TMEM223: variants seen among roughly 807,000 people sequenced by gnomAD.
TMEM223 encodes transmembrane protein 223.
TMEM223 carries 14 observed loss-of-function variants against 14.1 expected under a neutral mutation model. That is an observed-to-expected ratio of 0.99 (90% CI 0.66 to 1.55). The LOEUF is 1.55. TMEM223 is among the 40% of genes most tolerant of loss of function. The pLI is 0.00. For missense variants in TMEM223, 346 were observed against 269.9 expected (o/e 1.28, Z -1.97); for synonymous variants, 145 against 120.5 (o/e 1.20, Z -1.33).
At chr11:62,787,584 G>C (rs568969806), downstream of TMEM223, 8 of 1,462,478 alleles carry the variant, frequency 5.5e-6, no homozygotes, top group African/African-American at 5.7e-5. Flanking sequence ...TGGACATGGC[G>C]AGGCCACTTT....
rs137976004 is a variant in TMEM223 at position 62,778,912 on chromosome 11, C to T, written c.315-4247G>A. 22 of 1,614,018 alleles carry T rather than the reference C, an allele frequency of 1.4e-5. 2 individuals are homozygous for T. The African/African-American group carries it at 2.5e-4, about 19-fold the overall frequency. On this transcript the variant is annotated intron_variant, in intron 1 of 2. Coordinates refer to the TMEM223 transcript ENST00000528367. Reference sequence around the variant, plus strand: ...CACTGACAGATGACCTTCTCAAGTACTATCACCAGGTGACTCGTGCTGTGC... The same window carrying T: ...CACTGACAGATGACCTTCTCAAGTATTATCACCAGGTGACTCGTGCTGTGC...
intron 1 of TMEM223, chr11:62,779,033 T>C: frequency 7.0e-7 from 1 of 1,421,052 alleles, no homozygotes; most frequent in Non-Finnish European, 9.9e-7. Context: ...TTTTTTTTTT[T>C]TTTTGAGACA....
At chr11:62,776,346 A>C in intron 1 of TMEM223, 1 of 1,608,060 alleles carries the variant, frequency 6.2e-7, no homozygotes, top group Non-Finnish European at 8.5e-7. Flanking sequence ...CCCCTGCTTC[A>C]CATCCTTTGA....
chr11:62,787,619 G>C (rs1455163217), downstream of TMEM223: 3 of 1,407,852 alleles, frequency 2.1e-6, no homozygotes. Context: ...GCTTGCTGCT[G>C]CTCGGAGCCG....
intron 2 of TMEM223, among the ~76,000 whole-genome samples, chr11:62,773,035 G>T (rs553692830): frequency 2.0e-5 from 3 of 151,690 alleles, no homozygotes; most frequent in South Asian, 4.2e-4. Context: ...TAGAGACAGG[G>T]TTTCACCGTG....
chr11:62,788,882 G>A (rs926063179), downstream of TMEM223: 4 of 939,400 alleles, frequency 4.3e-6, no homozygotes, highest in East Asian at 7.5e-5. Context: ...CAATATCCCT[G>A]TCCCAGAAAT....
intron 1 of TMEM223, 45 bp downstream of exon 1, chr11:62,791,634 C>A: frequency 6.7e-7 from 1 of 1,481,902 alleles, no homozygotes. Context: ...AGGTCGTGTC[C>A]CGCCACCCCA....
intron 1 of TMEM223, among the ~76,000 whole-genome samples, chr11:62,781,172 G>A (rs1401245908): frequency 6.6e-6 from 1 of 150,612 alleles, no homozygotes; most frequent in Non-Finnish European, 1.5e-5. Context: ...GGAGGCAGAG[G>A]TTGCAGTGAG....
Position 62,776,403 on chromosome 11 carries a change from A to G in TMEM223, c.315-1738T>C. On this transcript the variant is annotated intron_variant, in intron 1 of 2. Transcript: ENST00000528367. The stretch of plus-strand genomic sequence containing the variant: ...TCCCAGAATAGCTCTCAGTTCATGA[A>G]GCACACCAAACGCCGGAAGCTGACG... 4 of 1,613,622 alleles carry G rather than the reference A, an allele frequency of 2.5e-6. No homozygotes were observed. Among genetic ancestry groups the G allele is most frequent in the Non-Finnish European group, 3.4e-6 (4 of 1,179,664 alleles).
intron 1 of TMEM223, chr11:62,774,805 T>C (rs1385548741): frequency 5.7e-5 from 18 of 314,432 alleles, no homozygotes; most frequent in Non-Finnish European, 1.1e-4. Flanking sequence ...AAAAATTAGC[T>C]GGGCGTGGTG....
downstream of TMEM223, among the ~76,000 whole-genome samples, chr11:62,784,749 C>T (rs1282779687): frequency 6.6e-6 from 1 of 152,076 alleles, no homozygotes; most frequent in Non-Finnish European, 1.5e-5. Context: ...TTTATAGTTC[C>T]ATGATACACT....
Position 62,790,571 on chromosome 11 carries a change from G to A in TMEM223, c.*52C>T. The A allele has an allele frequency of 6.6e-6, 10 of 1,517,326 alleles. No homozygotes were observed. The highest frequency in any genetic ancestry group is 8.0e-6 in the Non-Finnish European group (9 of 1,120,526). 94.0% of individuals were successfully genotyped at this position (1,517,326 alleles called of 1,614,324 possible). A position where few individuals can be genotyped will look rare whatever the true frequency, so the allele number is the denominator to read the frequency against. ...TGAACCAACACACCTGGCTCCCCAA[G>A]GTTCAGTTTTTATCCTCCTCTTGGA... is the stretch of plus-strand genomic sequence containing the variant. On this transcript the variant is annotated 3_prime_UTR_variant, in exon 2 of 2. Transcript: ENST00000307366.
At chr11:62,782,592 C>A, downstream of TMEM223, 1 of 1,500,440 alleles carries the variant, frequency 6.7e-7, no homozygotes. Flanking sequence ...CCCAGCACTC[C>A]CGAGTGTGCT....
chr11:62,787,256 G>A, downstream of TMEM223: 3 of 1,566,510 alleles, frequency 1.9e-6, no homozygotes, highest in East Asian at 4.7e-5. Context: ...CCCGCCCGCC[G>A]GTGGGCGCTC....
At chr11:62,786,490 G>A (rs932061279), downstream of TMEM223, 6 of 1,573,468 alleles carry the variant, frequency 3.8e-6, no homozygotes, top group Non-Finnish European at 4.3e-6. Context: ...CGAATTTTTT[G>A]CCTATCTTAG....
chr11:62,787,751 G>T (rs2084304842), downstream of TMEM223: 3 of 686,382 alleles, frequency 4.4e-6, no homozygotes, highest in Non-Finnish European at 7.7e-6. Flanking sequence ...AAAGGGACGG[G>T]TCAGTAGCGT....
chr11:62,773,683 G>A lies in TMEM223; in HGVS notation c.385+912C>T, dbSNP rs191654396. On this transcript the variant is annotated intron_variant, in intron 2 of 2. Coordinates refer to the TMEM223 transcript ENST00000528367. ...GGCTGGTCTTGAACTCCTGACCTCA[G>A]GTGATTCGCCCGCCTTGGCCTCCGA... Among the ~76,000 whole-genome samples, 7 of 151,874 alleles carry A rather than the reference G, an allele frequency of 4.6e-5. No homozygotes were observed. The East Asian group carries it at 1.4e-3, about 29-fold the overall frequency.
downstream of TMEM223, chr11:62,782,560 C>A: frequency 7.4e-7 from 1 of 1,357,026 alleles, no homozygotes; most frequent in Non-Finnish European, 1.0e-6. Flanking sequence ...CCAGTCACCC[C>A]TGGCAGCCTT....
intron 1 of TMEM223, chr11:62,782,199 G>A (rs1436992736): frequency 2.5e-6 from 4 of 1,614,164 alleles, no homozygotes; most frequent in Middle Eastern, 1.7e-4. Flanking sequence ...ACCTGTGCTT[G>A]GGGCCCTATG....
Sources: allele counts gnomAD v4.1 joint callset (sites outside exome capture counted in the v4.1 genomes callset), GRCh38; gene constraint gnomAD v4.1.1; transcripts MANE v1.5; gene names NCBI Gene and HGNC (gene_info 2026-07-23, HGNC 2026-07-21).